Variants in OTUD5 observed in about 807,000 individuals in gnomAD.
OTUD5 encodes OTU deubiquitinase 5.
A neutral mutation model predicts 36.3 loss-of-function variants in OTUD5; 2 were observed. The ratio of observed to expected loss-of-function variants is 0.06; its 90% confidence interval spans 0.02 to 0.17. The LOEUF is 0.17. Among genes scored for constraint, OTUD5 ranks in the 10% least tolerant of loss-of-function variants. The pLI, the probability that OTUD5 is intolerant of heterozygous loss-of-function variation, is 1.00. For synonymous variants in OTUD5, 234 were observed against 214.9 expected (o/e 1.09, Z -0.78); for missense variants, 233 against 512.3 (o/e 0.45, Z 5.26).
Position 48,922,825 on chromosome X carries a change from GTC to G in OTUD5, c.*347_*348del, listed in dbSNP as rs1289994067. ...CAGGGAGACTTTCCTCTGTCTGAAT[GTC>G]TCTCTCCTCTGGGGCTGCCTGGCTG... On this transcript the variant is annotated 3_prime_UTR_variant, in exon 9 of 9. Transcript: ENST00000376488. The G allele has an allele frequency of 1.4e-5, 11 of 812,584 alleles. No individual in the cohort carries two copies. Among genetic ancestry groups the G allele is most frequent in the Non-Finnish European group, 1.6e-5 (11 of 677,302 alleles). 67.0% of individuals were successfully genotyped at this position (812,584 alleles called of 1,213,427 possible). A position where few individuals can be genotyped will look rare whatever the true frequency, so the allele number is the denominator to read the frequency against.
chrX:48,931,322 C>G (rs782654860), intron 5 of OTUD5, among the ~76,000 whole-genome samples: 1 of 112,317 alleles, frequency 8.9e-6, no homozygotes, highest in Non-Finnish European at 1.9e-5. Flanking sequence ...ATCTTCCTCC[C>G]TAAGACCCAC....
chrX:48,948,449 A>G (rs1557052902), intron 1 of OTUD5, among the ~76,000 whole-genome samples: 1 of 112,624 alleles, frequency 8.9e-6, no homozygotes, highest in Non-Finnish European at 1.9e-5. Flanking sequence ...GTGTAGAGGC[A>G]ACAGGGAAGG....
chrX:48,937,263 A>G (rs2147600175), intron 2 of OTUD5, among the ~76,000 whole-genome samples: 1 of 112,242 alleles, frequency 8.9e-6, no homozygotes, highest in Non-Finnish European at 1.9e-5. Flanking sequence ...CCAGGACCAC[A>G]GAGCCCGCAC....
chrX:48,942,388 A>G (rs2063949784), intron 2 of OTUD5, among the ~76,000 whole-genome samples: 1 of 107,884 alleles, frequency 9.3e-6, no homozygotes, highest in Admixed American at 1.0e-4. Context: ...AGCCAGTCCC[A>G]AGGCTTACCC....
intron 1 of OTUD5, among the ~76,000 whole-genome samples, chrX:48,946,601 C>T (rs1557052479): frequency 8.9e-6 from 1 of 112,036 alleles, no homozygotes; most frequent in African/African-American, 3.2e-5. Context: ...CCTGTTTGTG[C>T]ACAACATTCC....
At chrX:48,955,413 C>T (rs1212568648) in intron 1 of OTUD5, among the ~76,000 whole-genome samples, 2 of 111,431 alleles carry the variant, frequency 1.8e-5, no homozygotes, top group African/African-American at 6.5e-5. Context: ...AGTCTCAGGG[C>T]TCAGGTCTGG....
chrX:48,957,294 G>T lies in OTUD5; in HGVS notation c.277C>A (p.Pro93Thr), dbSNP rs1436381034. ...GGTGGAGAAGCCTGTTGTGGCCGGG[G>T]ACCCGCCACTGCACCAGGCGGCACG... ...LAVPPGAVAG[P>T]RPQQASPPPC... Residue 93 changes from proline (P) to threonine (T), a missense_variant, in exon 1 of 9, where the codon CCC (proline) becomes ACC (threonine). Pro to Thr is a conservative substitution (Grantham distance 38, BLOSUM62 -1). Around this residue, in one of 3 missense-constraint regions of OTUD5, gnomAD observed 155 missense variants for 217.2 expected, o/e 0.71. Transcript: ENST00000376488. The T allele has an allele frequency of 3.6e-6, 4 of 1,117,150 alleles. No homozygotes were observed. Among genetic ancestry groups the T allele is most frequent in the African/African-American group, 1.9e-5 (1 of 53,031 alleles). 92.1% of individuals were successfully genotyped at this position (1,117,150 alleles called of 1,213,427 possible).
rs372915964 is a variant in OTUD5, at chrX:48,923,304, C to T, written c.1580-9G>A. 33 of 1,190,191 alleles carry T rather than the reference C, an allele frequency of 2.8e-5. No homozygotes were observed. Among genetic ancestry groups the T allele is most frequent in the South Asian group, 1.6e-4 (9 of 56,081 alleles). On this transcript the variant is annotated splice_polypyrimidine_tract_variant and intron_variant, in intron 8 of 8. Coordinates refer to ENST00000376488, the MANE Select transcript of OTUD5 (RefSeq NM_001136157.2). ...ATCCCAGTCATTCAGACCTGCTGGG[C>T]GAGAGGAAGAGGAAAAGGATGATGG...
At chrX:48,950,902 T>G in intron 1 of OTUD5, among the ~76,000 whole-genome samples, 1 of 110,563 alleles carries the variant, frequency 9.0e-6, no homozygotes, top group East Asian at 2.9e-4. Flanking sequence ...TGGTAACATT[T>G]GTCACAACAG....
chrX:48,954,172 G>A (rs960154854), intron 1 of OTUD5, among the ~76,000 whole-genome samples: 2 of 110,589 alleles, frequency 1.8e-5, no homozygotes, highest in Non-Finnish European at 3.8e-5. Context: ...ATGTTGCCAA[G>A]CAGGTCTTGA....
chrX:48,931,797 A>T (rs1460418868), intron 5 of OTUD5, among the ~76,000 whole-genome samples: 1 of 105,801 alleles, frequency 9.5e-6, no homozygotes, highest in Admixed American at 1.0e-4. Flanking sequence ...AAAAAAAAAA[A>T]GTATTAATGT....
chrX:48,954,277 T>C (rs1457401760), intron 1 of OTUD5, among the ~76,000 whole-genome samples: 1 of 110,906 alleles, frequency 9.0e-6, no homozygotes, highest in African/African-American at 3.3e-5. Context: ...TATGTTCTTA[T>C]GGGGACAAGT....
At chrX:48,924,174 A>T (rs1346934668) in intron 6 of OTUD5, 122 bp from the exon 7 acceptor site, 3 of 618,337 alleles carry the variant, frequency 4.9e-6, no homozygotes, top group Non-Finnish European at 7.5e-6. Context: ...ATGTAGGTCA[A>T]CATCATCCCC....
chrX:48,952,905 C>T (rs1225500606), intron 1 of OTUD5, among the ~76,000 whole-genome samples: 1 of 112,034 alleles, frequency 8.9e-6, no homozygotes, highest in Non-Finnish European at 1.9e-5. Context: ...AGATAGGTTA[C>T]TAGGAGTGGA....
chrX:48,945,266 CTTTT>C (rs139382090), intron 1 of OTUD5, among the ~76,000 whole-genome samples: 1 of 73,268 alleles, frequency 1.4e-5, no homozygotes, highest in African/African-American at 5.7e-5. Flanking sequence ...AAAATCAAGT[CTTTT>C]TTTTTTTTTT....
In OTUD5 at chrX:48,957,218, C is replaced by T; in HGVS notation, c.353G>A (p.Gly118Asp). Reference sequence around the variant, plus strand: ...GGCACCCACACCCGCCGCCGCTGCGCCCAGCGCGTCGCCGGGACCGCCGCC... The same window carrying T: ...GGCACCCACACCCGCCGCCGCTGCGTCCAGCGCGTCGCCGGGACCGCCGCC... ...GPGGGPGDAL[G>D]AAAAGVGAAG... is the part of the protein sequence containing the mutation. The change falls in exon 1 of 9, where the codon GGC becomes GAC. Residue 118 changes from glycine (G) to aspartate (D), a missense_variant. Physicochemically the swap from Gly to Asp is moderately conservative, Grantham distance 94. Coordinates refer to ENST00000376488, the MANE Select transcript of OTUD5 (RefSeq NM_001136157.2). 1 of 1,096,788 alleles carries T rather than the reference C, an allele frequency of 9.1e-7. No homozygotes were observed. The highest frequency in any genetic ancestry group is 1.2e-6 in the Non-Finnish European group (1 of 849,312). The allele number at this position is 1,096,788 out of a possible 1,213,427, so 90.4% of individuals were successfully genotyped here.
chrX:48,950,389 G>A (rs1557053515), intron 1 of OTUD5, among the ~76,000 whole-genome samples: 1 of 110,157 alleles, frequency 9.1e-6, no homozygotes, highest in Non-Finnish European at 1.9e-5. Flanking sequence ...AAGGAATGTT[G>A]GCAGCCACGA....
chrX:48,934,235 G>A (rs2063798516), intron 5 of OTUD5, among the ~76,000 whole-genome samples: 1 of 111,410 alleles, frequency 9.0e-6, no homozygotes, highest in African/African-American at 3.3e-5. Context: ...AGCCCTCAAC[G>A]GGCACAAAAG....
intron 1 of OTUD5, among the ~76,000 whole-genome samples, chrX:48,945,442 T>G (rs2064009928): frequency 9.2e-6 from 1 of 109,012 alleles, no homozygotes; most frequent in African/African-American, 3.3e-5. Flanking sequence ...GGCTAATTTT[T>G]TGTATTTTTA....
Sources: allele counts gnomAD v4.1 joint callset (sites outside exome capture counted in the v4.1 genomes callset), GRCh38; gene constraint gnomAD v4.1.1; regional missense constraint gnomAD v4.1.1; transcripts MANE v1.5; gene names NCBI Gene and HGNC (gene_info 2026-07-23, HGNC 2026-07-21).